LMAN1L: variants seen among roughly 807,000 people sequenced by gnomAD.
The protein encoded by LMAN1L is protein ERGIC-53-like.
Under a neutral mutation model 58.3 loss-of-function variants are expected in LMAN1L, and 60 were observed. That is an observed-to-expected ratio of 1.03 (90% CI 0.84 to 1.27). The LOEUF is 1.27. Ranked by LOEUF, LMAN1L falls within the 50% of genes most tolerant of loss-of-function variation. The pLI is 0.00. For missense variants in LMAN1L, 629 were observed against 674.0 expected, an observed-to-expected ratio of 0.93 and a Z score of 0.74; for synonymous variants, 280 against 271.6, an observed-to-expected ratio of 1.03 and a Z score of -0.31.
chr15:74,817,588 C>T (rs1355969605), intron 4 of LMAN1L, among the ~76,000 whole-genome samples: 1 of 152,216 alleles, frequency 6.6e-6, no homozygotes, highest in Non-Finnish European at 1.5e-5. Context: ...AGGGAGGCAG[C>T]CTGGTCACAT....
chr15:74,823,928 C>T, intron 12 of LMAN1L: 1 of 550,716 alleles, frequency 1.8e-6, no homozygotes, highest in East Asian at 3.1e-5. Context: ...AGCAGCAGGG[C>T]CCTGGACACC....
chr15:74,819,523 A>C (rs2063907616), intron 6 of LMAN1L: 1 of 531,212 alleles, frequency 1.9e-6, no homozygotes, highest in Non-Finnish European at 3.3e-6. Context: ...AGTGGAAGAC[A>C]GACAGCAAAG....
chr15:74,823,777 T>C, intron 12 of LMAN1L, 95 bp downstream of exon 12: 4 of 1,472,620 alleles, frequency 2.7e-6, no homozygotes, highest in Non-Finnish European at 3.7e-6. Flanking sequence ...CAAGCCCTCC[T>C]GCCTTTGCCC....
intron 2 of LMAN1L, 21 bp downstream of exon 2, chr15:74,816,332 C>A: frequency 6.2e-7 from 1 of 1,610,552 alleles, no homozygotes; most frequent in Non-Finnish European, 8.5e-7. Context: ...TCTCCCAGAG[C>A]TGACAGAGCG....
intron 13 of LMAN1L, chr15:74,824,810 C>T: frequency 4.3e-6 from 1 of 229,960 alleles, no homozygotes; most frequent in Non-Finnish European, 8.4e-6. Flanking sequence ...AGGGAATCAA[C>T]CTGGAAGGGA....
chr15:74,817,155 T>C (rs1202537486), intron 4 of LMAN1L, among the ~76,000 whole-genome samples: 1 of 152,190 alleles, frequency 6.6e-6, no homozygotes, highest in African/African-American at 2.4e-5. Flanking sequence ...GCCTCCTCAG[T>C]AGCTGGGCCG....
At chr15:74,814,144 A>G (rs2063878568) in intron 1 of LMAN1L, among the ~76,000 whole-genome samples, 1 of 147,972 alleles carries the variant, frequency 6.8e-6, no homozygotes, top group African/African-American at 2.5e-5. Context: ...AAAAAAAAAG[A>G]TGTGAGTTCT....
In LMAN1L at chr15:74,816,418, G is replaced by T; in HGVS notation, c.331-9G>T. 6.4e-7 allele frequency: 1 copy of T among 1,565,746 alleles called. No homozygotes were observed. The highest frequency in any genetic ancestry group is 8.7e-7 in the Non-Finnish European group (1 of 1,152,378). On this transcript the variant is annotated splice_polypyrimidine_tract_variant and intron_variant, in intron 2 of 13. Transcript: ENST00000309664. The stretch of plus-strand genomic sequence containing the variant: ...CGGTTCCCTGAGCTGAGGGGCTGGG[G>T]ACCTGCAGGCCGTGTGGTACACCCG...
rs1567224805 is a variant in LMAN1L at position 74,820,729 on chromosome 15, A to G, written c.869A>G (p.Asp290Gly). The G allele has an allele frequency of 6.2e-7, 1 of 1,613,568 alleles. No individual in the cohort carries two copies. Among genetic ancestry groups the G allele is most frequent in the Admixed American group, 1.7e-5 (1 of 59,982 alleles). The stretch of plus-strand genomic sequence containing the variant: ...AGGCTGGGCTTGGGCACCAGGGAGG[A>G]TGTAACTCCAAAATCAGACTCTGAA... ...WARLGLGTREDVTPKSDSEAQ... is the reference protein window; with the variant it reads ...WARLGLGTREGVTPKSDSEAQ... Residue 290 changes from aspartate (D) to glycine (G), a missense_variant, in exon 8 of 14, where the codon GAT becomes GGT. Physicochemically the swap from Asp to Gly is moderately conservative, Grantham distance 94 (BLOSUM62 -1). Transcript: ENST00000309664.
intron 4 of LMAN1L, among the ~76,000 whole-genome samples, chr15:74,817,701 C>G (rs2063898039): frequency 6.6e-6 from 1 of 152,066 alleles, no homozygotes; most frequent in African/African-American, 2.4e-5. Context: ...GCACAGAGGA[C>G]TTGGAGTTTA....
Position 74,820,739 on chromosome 15 carries a change from A to G in LMAN1L, c.879A>G (p.Pro293=). ...TGGGCACCAGGGAGGATGTAACTCC[A>G]AAATCAGACTCTGAAGCTCAAGGAG... ...LGLGTREDVT[P]KSDSEAQGEG... is the part of the protein sequence containing the mutation. Residue 293 remains proline (P), a synonymous_variant, in exon 8 of 14, where the codon CCA becomes CCG. Transcript: ENST00000309664. 4 of 1,613,462 alleles carry G rather than the reference A, an allele frequency of 2.5e-6. No individual in the cohort carries two copies. Among genetic ancestry groups the G allele is most frequent in the Non-Finnish European group, 3.4e-6 (4 of 1,179,846 alleles).
At chr15:74,823,499 C>A in intron 11 of LMAN1L, 60 bp from the exon 12 acceptor site, 1 of 1,589,704 alleles carries the variant, frequency 6.3e-7, no homozygotes, top group Admixed American at 1.7e-5. Context: ...ATGATTAGGC[C>A]ATCTGGGTGG....
chr15:74,824,526 G>A, intron 13 of LMAN1L, 48 bp downstream of exon 13: 1 of 1,609,082 alleles, frequency 6.2e-7, no homozygotes. Context: ...GCATCTCTTG[G>A]TTCTCAGCTA....
chr15:74,813,151 G>C, intron 1 of LMAN1L, 122 bp downstream of exon 1: 1 of 1,098,356 alleles, frequency 9.1e-7, no homozygotes, highest in Non-Finnish European at 1.3e-6. Flanking sequence ...CAAGGCCTGG[G>C]ACAGTGCCAG....
intron 12 of LMAN1L, 89 bp downstream of exon 12, chr15:74,823,771 C>A: frequency 1.3e-6 from 2 of 1,506,114 alleles, no homozygotes; most frequent in Non-Finnish European, 1.8e-6. Context: ...CAGCCCCAAG[C>A]CCTCCTGCCT....
At chr15:74,819,097 A>C in intron 5 of LMAN1L, 55 bp from the exon 6 acceptor site, 8 of 1,550,268 alleles carry the variant, frequency 5.2e-6, no homozygotes, top group Non-Finnish European at 7.0e-6. Flanking sequence ...CAGGGGAGCC[A>C]GGGAGTCAGA....
intron 11 of LMAN1L, 66 bp from the exon 12 acceptor site, chr15:74,823,493 T>TA (rs2063926472): frequency 1.9e-6 from 3 of 1,574,444 alleles, no homozygotes; most frequent in Non-Finnish European, 2.6e-6. Context: ...TGGGAAATGA[T>TA]TAGGCCATCT....
At chr15:74,822,094 G>A (rs999981021) in intron 10 of LMAN1L, among the ~76,000 whole-genome samples, 194 bp downstream of exon 10, 12 of 152,084 alleles carry the variant, frequency 7.9e-5, no homozygotes, top group Admixed American at 2.6e-4. Flanking sequence ...AGGCCAAGGC[G>A]GACAGATCAC....
chr15:74,813,422 G>C (rs1477611188), intron 1 of LMAN1L: 1 of 460,418 alleles, frequency 2.2e-6, no homozygotes, highest in African/African-American at 2.0e-5. Flanking sequence ...CATCCCAGCG[G>C]GCCTGTGGCT....
Sources: gnomAD v4.1 joint callset for allele counts (sites outside exome capture counted in the v4.1 genomes callset) on GRCh38, gnomAD v4.1.1 for gene constraint, MANE v1.5 for transcripts, NCBI Gene and HGNC (gene_info 2026-07-23, HGNC 2026-07-21) for gene names.